The following ITGA7 variants were observed in gnomAD, a reference collection of about 807,000 sequenced individuals.
ITGA7 encodes integrin alpha-7.
ITGA7 carries 84 observed loss-of-function variants against 131.6 expected under a neutral mutation model. The ratio of observed to expected loss-of-function variants is 0.64; its 90% CI spans 0.54 to 0.77. ITGA7 has a LOEUF of 0.77. Ranked by LOEUF, ITGA7 falls within the 30% of genes least tolerant of loss-of-function variation. The pLI is 0.00. For missense variants in ITGA7, 1,399 were observed against 1,482.9 expected (o/e 0.94, Z 0.93); for synonymous variants, 548 against 600.7 (o/e 0.91, Z 1.28).
intron 5 of ITGA7, chr12:55,699,433 C>T (rs2136042658): frequency 3.6e-6 from 1 of 280,004 alleles, no homozygotes; most frequent in Non-Finnish European, 6.9e-6. Flanking sequence ...AGAGCGCCTG[C>T]TTCACCCAAA....
intron 7 of ITGA7, 109 bp downstream of exon 7, chr12:55,698,274 G>T: frequency 9.4e-7 from 1 of 1,066,080 alleles, no homozygotes; most frequent in Non-Finnish European, 1.3e-6. Context: ...ATAAGCTCAG[G>T]GACCCTCTCT....
intron 3 of ITGA7, chr12:55,701,524 G>C: frequency 9.7e-7 from 1 of 1,029,502 alleles, no homozygotes; most frequent in Middle Eastern, 2.0e-4. Flanking sequence ...CTGGACCTTT[G>C]TAAGTGTCAC....
At position 55,698,767 on chromosome 12, in the gene ITGA7, TC is replaced by T. The variant is rs754599078; in HGVS notation, c.940del (p.Glu314SerfsTer3). 2 of 1,613,874 alleles carry T rather than the reference TC, an allele frequency of 1.2e-6. No homozygotes were observed. The highest frequency in any genetic ancestry group is 1.1e-5 in the South Asian group (1 of 91,078). ...RLVPEVMLSGERLTSGFGYSL... is the reference protein window; with the variant it reads ...RLVPEVMLSGXRLTSGFGYSL... ...GTAGCCAAAGCCGGAGGTCAGGCGC[TC>T]CCCAGACAGCATAACCTCGGGCACC... is the stretch of plus-strand genomic sequence containing the variant. On this transcript the variant is annotated frameshift_variant, in exon 6 of 25. Coordinates refer to ENST00000257879, the MANE Select transcript of ITGA7 (RefSeq NM_002206.3). LOFTEE classifies it high-confidence loss of function.
chr12:55,694,214 C>A lies in ITGA7; in HGVS notation c.2432+42G>T. ...TGGCCAAGGTTTGGAAATGTCAATG[C>A]CCCCTCCCTCCAATGGAGGTGCCCC... is the stretch of plus-strand genomic sequence containing the variant. On this transcript the variant is annotated intron_variant, in intron 18 of 24. Transcript: ENST00000257879. This position sits in a 1 kb window ranked among gnomAD's most constrained non-coding sequence, Gnocchi z 5.3. 6.2e-7 allele frequency: 1 copy of A among 1,612,298 alleles called. No individual in the cohort carries two copies. The highest frequency in any genetic ancestry group is 8.5e-7 in the Non-Finnish European group (1 of 1,178,356).
chr12:55,707,910 C>G (rs1408498914), upstream of ITGA7: 2 of 1,402,788 alleles, frequency 1.4e-6, no homozygotes, highest in African/African-American at 3.0e-5. Context: ...CCCACTCCGG[C>G]TCCCGCCTCC....
In ITGA7 at chr12:55,694,426, G is replaced by A. The variant is rs781251315; in HGVS notation, c.2357+17C>T. The A allele has an allele frequency of 1.4e-5, 22 of 1,613,862 alleles. No homozygotes were observed. Among genetic ancestry groups the A allele is most frequent in the African/African-American group, 8.0e-5 (6 of 74,910 alleles). On this transcript the variant is annotated intron_variant, in intron 17 of 24. Transcript: ENST00000257879. The surrounding 1 kb of genome is among the most constrained non-coding windows in gnomAD (Gnocchi z 5.3). ...ATGACTACCCCCACCTCACCCTTCC[G>A]GCCCCGCCTGGCTTACGTGGCCAAC...
At chr12:55,696,811 G>A in intron 12 of ITGA7, 88 bp downstream of exon 12, 2 of 1,483,420 alleles carry the variant, frequency 1.3e-6, no homozygotes, top group Non-Finnish European at 1.9e-6. Context: ...AGGCACGAGT[G>A]TGCTCGGGAA....
At chr12:55,711,083 G>T (rs955452873), upstream of ITGA7, among the ~76,000 whole-genome samples, 1 of 152,178 alleles carries the variant, frequency 6.6e-6, no homozygotes, top group African/African-American at 2.4e-5. Context: ...TCAACTTTTT[G>T]GTTTTGATTT....
intron 7 of ITGA7, 155 bp downstream of exon 7, chr12:55,698,228 C>T: frequency 1.1e-6 from 1 of 891,344 alleles, no homozygotes; most frequent in Non-Finnish European, 1.7e-6. Context: ...AGGAACTTGC[C>T]AAGGTCAGAA....
At chr12:55,701,736 A>G (rs1430770141) in intron 3 of ITGA7, among the ~76,000 whole-genome samples, 1 of 152,004 alleles carries the variant, frequency 6.6e-6, no homozygotes, top group Non-Finnish European at 1.5e-5. Flanking sequence ...ATGCACCACC[A>G]TGACTGGCTA....
chr12:55,696,297 TGCTGG>T lies in ITGA7; in HGVS notation c.1868_1872del (p.Pro623HisfsTer15). 1 of 1,576,460 alleles carries T rather than the reference TGCTGG, an allele frequency of 6.3e-7. No homozygotes were observed. The highest frequency in any genetic ancestry group is 1.3e-5 in the African/African-American group (1 of 74,416). On this transcript the variant is annotated frameshift_variant, in exon 13 of 25. Transcript: ENST00000257879. LOFTEE classifies it high-confidence loss of function. ...CCCATGCTCACCTCTGCCCGCTGGG[TGCTGG>T]GCTGGTGGGCATTGAGGATGGGGGC...
chr12:55,688,165 G>A, intron 23 of ITGA7, 37 bp downstream of exon 23: 1 of 1,613,708 alleles, frequency 6.2e-7, no homozygotes, highest in African/African-American at 1.3e-5. Context: ...GGAAAGAAGA[G>A]AGTCCTCCCC....
In ITGA7 at chr12:55,685,089, G is replaced by A; in HGVS notation, c.3383C>T (p.Pro1128Leu). The A allele has an allele frequency of 1.9e-6, 3 of 1,603,078 alleles. No homozygotes were observed. Among genetic ancestry groups the A allele is most frequent in the East Asian group, 2.2e-5 (1 of 44,804 alleles). Residue 1128 changes from proline (P) to leucine (L), a missense_variant, in exon 25 of 25, where the codon CCC (proline) becomes CTC (leucine). Coordinates refer to ENST00000257879, the MANE Select transcript of ITGA7 (RefSeq NM_002206.3). ...LAADGHPELGPDGHPGPGTA is the reference protein window; with the variant it reads ...LAADGHPELGLDGHPGPGTA ...GGTGCCTGGCCCTGGATGCCCATCG[G>A]GGCCCAGCTCGGGATGCCCGTCAGC...
chr12:55,716,073 G>C, upstream of ITGA7: 1 of 1,570,834 alleles, frequency 6.4e-7, no homozygotes, highest in South Asian at 1.2e-5. Flanking sequence ...GAGCCGAGGT[G>C]AGCGTTCCAG....
At chr12:55,692,034 A>G (rs886508621) in intron 21 of ITGA7, among the ~76,000 whole-genome samples, 1 of 152,230 alleles carries the variant, frequency 6.6e-6, no homozygotes, top group Admixed American at 6.5e-5. Flanking sequence ...AACAAGCAGA[A>G]AAGGGGAAAG....
Position 55,694,751 on chromosome 12 carries a change from C to G in ITGA7, c.2196+27G>C. On this transcript the variant is annotated intron_variant, in intron 15 of 24. Coordinates refer to ENST00000257879, the MANE Select transcript of ITGA7 (RefSeq NM_002206.3). The surrounding 1 kb of genome is among the most constrained non-coding windows in gnomAD (Gnocchi z 5.3). ...GGGTTACTGGAGCCCCTCAAGACCC[C>G]ACCCCATCCTGCCCCCAGGTCCTCA... 6.2e-7 allele frequency: 1 copy of G among 1,613,958 alleles called. No homozygotes were observed. The highest frequency in any genetic ancestry group is 8.5e-7 in the Non-Finnish European group (1 of 1,179,892).
intron 22 of ITGA7, 40 bp downstream of exon 22, chr12:55,688,804 G>A (rs776536553): frequency 6.8e-7 from 1 of 1,465,894 alleles, no homozygotes; most frequent in East Asian, 2.3e-5. Flanking sequence ...GGGCTTTGGA[G>A]GAAGAAGAAA....
chr12:55,688,327 C>A, intron 22 of ITGA7, 27 bp from the exon 23 acceptor site: 1 of 1,499,836 alleles, frequency 6.7e-7, no homozygotes, highest in Non-Finnish European at 9.3e-7. Context: ...GGAGACCCTT[C>A]TCCTAAATGC....
At chr12:55,698,303 C>A (rs1196702242) in intron 7 of ITGA7, 80 bp downstream of exon 7, 1 of 1,331,806 alleles carries the variant, frequency 7.5e-7, no homozygotes, top group Non-Finnish European at 1.0e-6. Context: ...CCTCAGAAGA[C>A]CACACCCTGA....
Sources: gnomAD v4.1 joint callset for allele counts (sites outside exome capture counted in the v4.1 genomes callset) on GRCh38, gnomAD v4.1.1 for gene constraint, Gnocchi (gnomAD v3.1) non-coding constraint, MANE v1.5 for transcripts, NCBI Gene and HGNC (gene_info 2026-07-23, HGNC 2026-07-21) for gene names.